The following CACNA1E variants were observed in gnomAD, a reference collection of about 807,000 sequenced individuals.
CACNA1E encodes the protein calcium voltage-gated channel subunit alpha1 E.
A neutral mutation model predicts 259.2 loss-of-function variants in CACNA1E; 40 were observed. The observed-to-expected ratio is 0.15, with a 90% CI of 0.12 to 0.20. The LOEUF (loss-of-function observed/expected upper bound fraction) is 0.20, where lower values mean the gene tolerates loss of function less well. CACNA1E is among the 10% of genes least tolerant of loss of function. CACNA1E has a pLI of 1.00. For missense variants in CACNA1E, 1,874 were observed against 3,040.1 expected (o/e 0.62, Z 9.02); for synonymous variants, 1,104 against 1,138.5 (o/e 0.97, Z 0.61).
At chr1:181,759,786 A>G (rs902711536) in intron 32 of CACNA1E, among the ~76,000 whole-genome samples, 11 of 152,218 alleles carry the variant, frequency 7.2e-5, no homozygotes, top group South Asian at 2.1e-4. Flanking sequence ...TTTGCTCATT[A>G]TCTGAATAAG....
At chr1:181,619,205 G>T (rs1030845735) in intron 6 of CACNA1E, among the ~76,000 whole-genome samples, 6 of 130,292 alleles carry the variant, frequency 4.6e-5, no homozygotes, top group Middle Eastern at 4.0e-3. Flanking sequence ...TTTGGTAGGA[G>T]GGCCTGATGG....
At chr1:181,787,748 T>C (rs1398726009) in intron 43 of CACNA1E, among the ~76,000 whole-genome samples, 1 of 152,140 alleles carries the variant, frequency 6.6e-6, no homozygotes, top group Non-Finnish European at 1.5e-5. Context: ...AGAGAGTCCT[T>C]CCTGAGGAAG....
At chr1:181,430,931 C>CTAT (rs1330468603) in intron 2 of CACNA1E, among the ~76,000 whole-genome samples, 1 of 152,126 alleles carries the variant, frequency 6.6e-6, no homozygotes, top group Non-Finnish European at 1.5e-5. Flanking sequence ...CTTTCACCAT[C>CTAT]TATAGGACAA....
At chr1:181,770,911 T>C (rs913482039) in intron 35 of CACNA1E, among the ~76,000 whole-genome samples, 3 of 152,152 alleles carry the variant, frequency 2.0e-5, no homozygotes, top group Admixed American at 1.3e-4. Flanking sequence ...GAGGGGTAGC[T>C]CCTTCTGTGC....
Position 181,450,795 on chromosome 1 carries a change from G to A in CACNA1E, c.435-32949G>A, listed in dbSNP as rs569649165. On this transcript the variant is annotated intron_variant, in intron 2 of 11. Coordinates refer to the CACNA1E transcript ENST00000524607. ...TGATTTTAGCTGTGATACAGAGAACGGCTTGGAGGAGGCAGGACCAGCATC... is the reference window on the plus strand; with the variant it reads ...TGATTTTAGCTGTGATACAGAGAACAGCTTGGAGGAGGCAGGACCAGCATC... Among the ~76,000 whole-genome samples the A allele has an allele frequency of 4.3e-4, 66 of 152,308 alleles. No individual in the cohort carries two copies. In the East Asian group the frequency reaches 8.7e-3, roughly 20 times the overall value.
At chr1:181,618,829 A>G (rs1417258247) in intron 6 of CACNA1E, among the ~76,000 whole-genome samples, 1 of 152,228 alleles carries the variant, frequency 6.6e-6, no homozygotes, top group African/African-American at 2.4e-5. Context: ...TAAACACCAA[A>G]TATATACCTA....
In CACNA1E at chr1:181,601,503, C is replaced by G. The variant is rs1653746147; in HGVS notation, c.951+20727C>G. 3.3e-5 allele frequency among the ~76,000 whole-genome samples: 5 copies of G among 152,106 alleles called. No individual in the cohort carries two copies. The South Asian group carries it at 1.0e-3, about 31-fold the overall frequency. ...ATCTACCTGTCCATCATTTTTCATA[C>G]CTCTTATATCATTATTAGATGTTCT... On this transcript the variant is annotated intron_variant, in intron 6 of 47. Transcript: ENST00000367573.
At chr1:181,690,931 A>G (rs113178679) in intron 7 of CACNA1E, among the ~76,000 whole-genome samples, 140 of 152,080 alleles carry the variant, frequency 9.2e-4, no homozygotes, top group African/African-American at 3.3e-3. Context: ...TCTTGGTGTT[A>G]TGGAGTTTAC....
At chr1:181,596,552 A>T (rs547471727) in intron 6 of CACNA1E, among the ~76,000 whole-genome samples, 1 of 75,960 alleles carries the variant, frequency 1.3e-5, no homozygotes, top group East Asian at 6.3e-4. Context: ...TCCACCCACC[A>T]TGTACGTGTG....
At chr1:181,612,616 C>G (rs185273131) in intron 6 of CACNA1E, among the ~76,000 whole-genome samples, 3 of 152,260 alleles carry the variant, frequency 2.0e-5, no homozygotes, top group East Asian at 3.9e-4. Flanking sequence ...TGATGCCATT[C>G]CTTTTCCAGT....
At chr1:181,535,212 A>C (rs1668078192) in intron 3 of CACNA1E, among the ~76,000 whole-genome samples, 1 of 152,206 alleles carries the variant, frequency 6.6e-6, no homozygotes, top group African/African-American at 2.4e-5. Flanking sequence ...GTCTTCATAA[A>C]AAAGTTCAGT....
At chr1:181,428,468 G>A (rs1476586788) in intron 2 of CACNA1E, among the ~76,000 whole-genome samples, 3 of 152,154 alleles carry the variant, frequency 2.0e-5, no homozygotes, top group Non-Finnish European at 4.4e-5. Flanking sequence ...GTGGGGTGGA[G>A]GGGCGCTTGC....
At chr1:181,637,877 G>A (rs1657384241) in intron 6 of CACNA1E, among the ~76,000 whole-genome samples, 1 of 152,136 alleles carries the variant, frequency 6.6e-6, no homozygotes, top group Non-Finnish European at 1.5e-5. Context: ...AGGCAGTGGG[G>A]ACAACATGAG....
At chr1:181,355,828 C>T (rs779742157) in intron 1 of CACNA1E, among the ~76,000 whole-genome samples, 1 of 152,130 alleles carries the variant, frequency 6.6e-6, no homozygotes, top group African/African-American at 2.4e-5. Context: ...GGAGGAGATA[C>T]TGAGAGTGGA....
At chr1:181,477,043 A>G (rs1662902290) in intron 2 of CACNA1E, among the ~76,000 whole-genome samples, 2 of 152,180 alleles carry the variant, frequency 1.3e-5, no homozygotes, top group African/African-American at 2.4e-5. Flanking sequence ...TCTTATGGGA[A>G]AGAAAGGCTT....
intron 2 of CACNA1E, among the ~76,000 whole-genome samples, chr1:181,510,980 T>C (rs1026308807): frequency 1.3e-5 from 2 of 152,252 alleles, no homozygotes; most frequent in Non-Finnish European, 2.9e-5. Context: ...GTCACACATC[T>C]AACGTATTCC....
intron 1 of CACNA1E, among the ~76,000 whole-genome samples, chr1:181,318,895 G>A (rs942758883): frequency 2.0e-5 from 3 of 152,156 alleles, no homozygotes; most frequent in East Asian, 1.9e-4. Context: ...TTTTTGATCC[G>A]GCTTGAGTCT....
rs1186524885 is a variant in CACNA1E at position 181,732,022 on chromosome 1, C to A, written c.2298-362C>A. The stretch of plus-strand genomic sequence containing the variant: ...TGAATCAAGGGCCGTTGAGTGTGTA[C>A]AAGCAGATGCCCCGAAAGCAAGGAG... On this transcript the variant is annotated intron_variant, in intron 19 of 47. Transcript: ENST00000367573. This position sits in a 1 kb window ranked among gnomAD's most constrained non-coding sequence, Gnocchi z 5.5. 1.3e-5 allele frequency among the ~76,000 whole-genome samples: 2 copies of A among 151,726 alleles called. No homozygotes were observed. The highest frequency in any genetic ancestry group is 2.0e-4 in the East Asian group (1 of 5,106).
intron 2 of CACNA1E, among the ~76,000 whole-genome samples, chr1:181,463,203 G>A (rs76602422): frequency 0.023 from 3,571 of 152,164 alleles, 138 homozygotes; most frequent in African/African-American, 0.082. Context: ...TTAGACACAG[G>A]AAGAGATGAA....
Sources: gnomAD v4.1 joint callset for allele counts (sites outside exome capture counted in the v4.1 genomes callset) on GRCh38, gnomAD v4.1.1 for gene constraint, Gnocchi (gnomAD v3.1) non-coding constraint, MANE v1.5 for transcripts, NCBI Gene and HGNC (gene_info 2026-07-23, HGNC 2026-07-21) for gene names.